DGKB: variants seen among roughly 807,000 people sequenced by gnomAD.
DGKB encodes 90 kDa diacylglycerol kinase.
A neutral mutation model predicts 114.3 loss-of-function variants in DGKB; 67 were observed. That is an observed-to-expected ratio of 0.59 (90% CI 0.48 to 0.72). The LOEUF (loss-of-function observed/expected upper bound fraction) is 0.72. Ranked by LOEUF, DGKB falls within the 30% of genes least tolerant of loss-of-function variation. The probability of loss-of-function intolerance (pLI) is 0.00; values close to 1 mark genes in which losing one functional copy is unlikely to be tolerated. For missense variants in DGKB, 907 were observed against 975.2 expected, an observed-to-expected ratio of 0.93 and a Z score of 0.93; for synonymous variants, 398 against 323.1, an observed-to-expected ratio of 1.23 and a Z score of -2.49.
chr7:14,585,721 T>G (rs1368802567), intron 17 of DGKB, among the ~76,000 whole-genome samples: 1 of 152,180 alleles, frequency 6.6e-6, no homozygotes. Flanking sequence ...AGTCTATCAG[T>G]GCCATGTTTT....
At chr7:14,657,581 AC>A (rs774375192) in intron 13 of DGKB, among the ~76,000 whole-genome samples, 31 of 151,988 alleles carry the variant, frequency 2.0e-4, no homozygotes, top group East Asian at 1.4e-3. Flanking sequence ...GACTTCAGTA[AC>A]TTTGCTTAAA....
intron 23 of DGKB, among the ~76,000 whole-genome samples, chr7:14,323,311 GC>G (rs1238768464): frequency 1.3e-5 from 2 of 152,092 alleles, no homozygotes; most frequent in Non-Finnish European, 2.9e-5. Context: ...TGTGGTGTTG[GC>G]CGTGTTCTAT....
intron 4 of DGKB, among the ~76,000 whole-genome samples, chr7:14,742,461 A>T (rs1055851946): frequency 1.3e-5 from 2 of 152,220 alleles, no homozygotes; most frequent in African/African-American, 4.8e-5. Context: ...AGAAATAAAA[A>T]GTCTTAAAGA....
intron 1 of DGKB, among the ~76,000 whole-genome samples, chr7:14,940,661 A>T (rs1319446638): frequency 6.6e-6 from 1 of 152,164 alleles, no homozygotes; most frequent in Admixed American, 6.6e-5. Context: ...TGGAAAGACT[A>T]TATACTCAGA....
intron 2 of DGKB, among the ~76,000 whole-genome samples, chr7:14,836,747 G>A (rs999011692): frequency 4.6e-5 from 7 of 152,320 alleles, no homozygotes; most frequent in African/African-American, 1.4e-4. Context: ...ACCGGAGCAC[G>A]GTCACAGCAT....
At chr7:14,459,122 C>T (rs1832719854) in intron 21 of DGKB, among the ~76,000 whole-genome samples, 2 of 152,158 alleles carry the variant, frequency 1.3e-5, no homozygotes, top group Admixed American at 6.5e-5. Context: ...CGCAGCTTGG[C>T]AAAGCCGCTG....
chr7:14,673,252 A>C (rs1157394955), intron 12 of DGKB, among the ~76,000 whole-genome samples: 1 of 152,058 alleles, frequency 6.6e-6, no homozygotes, highest in Non-Finnish European at 1.5e-5. Flanking sequence ...TACATTTTAT[A>C]ATTCTCAGAA....
rs186592658 is a variant in DGKB at position 14,881,673 on chromosome 7, G to T, written c.-188+20919C>A. On this transcript the variant is annotated intron_variant, in intron 1 of 25. Coordinates refer to ENST00000402815, the MANE Select transcript of DGKB (RefSeq NM_001350709.2). ...TGGTGCAGATTTCTGATTTTGTAGG[G>T]TTGTGTACCTTTCTTCAACTTCCTA... 2.3e-3 allele frequency among the ~76,000 whole-genome samples: 351 copies of T among 152,092 alleles called. 1 individual carries two copies. The highest frequency in any genetic ancestry group is 8.0e-3 in the African/African-American group (333 of 41,524).
At chr7:14,222,381 A>G (rs1790125566) in intron 23 of DGKB, among the ~76,000 whole-genome samples, 1 of 150,554 alleles carries the variant, frequency 6.6e-6, no homozygotes. Context: ...TTCCTTTTTG[A>G]TTTCTTCATT....
intron 1 of DGKB, among the ~76,000 whole-genome samples, chr7:14,916,694 G>A (rs1334571023): frequency 6.6e-6 from 1 of 151,990 alleles, no homozygotes; most frequent in South Asian, 2.1e-4. Flanking sequence ...TATTATAGTT[G>A]GAAAGTTCAA....
intron 1 of DGKB, among the ~76,000 whole-genome samples, chr7:14,880,178 T>C (rs1439959654): frequency 6.6e-6 from 1 of 151,826 alleles, no homozygotes; most frequent in Non-Finnish European, 1.5e-5. Flanking sequence ...TAAGAAAGAG[T>C]TGCATTCTTT....
At chr7:14,856,020 C>CACACACA (rs3036255) in intron 1 of DGKB, among the ~76,000 whole-genome samples, 1 of 148,822 alleles carries the variant, frequency 6.7e-6, no homozygotes, top group African/African-American at 2.5e-5. Flanking sequence ...CACACACACA[C>CACACACA]ATAATTAACA....
intron 23 of DGKB, among the ~76,000 whole-genome samples, chr7:14,270,520 G>A (rs1798128144): frequency 6.6e-6 from 1 of 152,206 alleles, no homozygotes. Context: ...TTTTCAGGAA[G>A]GGCTGTGGTC....
At chr7:14,691,657 A>G (rs1822889237) in intron 9 of DGKB, among the ~76,000 whole-genome samples, 1 of 152,180 alleles carries the variant, frequency 6.6e-6, no homozygotes, top group Admixed American at 6.5e-5. Flanking sequence ...ATTTTATTAA[A>G]AGACAGCTTA....
At chr7:14,352,794 G>A (rs764826892) in intron 21 of DGKB, among the ~76,000 whole-genome samples, 19 of 152,020 alleles carry the variant, frequency 1.2e-4, no homozygotes, top group East Asian at 3.9e-4. Context: ...GTGGTGGCGC[G>A]TGCCTATAAT....
At chr7:14,689,007 T>C (rs921055175) in intron 9 of DGKB, among the ~76,000 whole-genome samples, 5 of 152,044 alleles carry the variant, frequency 3.3e-5, no homozygotes, top group African/African-American at 1.2e-4. Flanking sequence ...TTCATTGATG[T>C]CCTAACCCAC....
At chr7:14,737,283 ATT>A (rs11348925) in intron 4 of DGKB, among the ~76,000 whole-genome samples, 3,949 of 82,546 alleles carry the variant, frequency 0.048, 119 homozygotes, top group African/African-American at 0.12. Context: ...TTGAAGGCCA[ATT>A]TTTTTTTTTT....
intron 5 of DGKB, among the ~76,000 whole-genome samples, chr7:14,729,047 C>G (rs1318163230): frequency 6.6e-6 from 1 of 151,514 alleles, no homozygotes; most frequent in African/African-American, 2.4e-5. Flanking sequence ...TTACTACCAT[C>G]TGATATGGTA....
chr7:14,514,620 G>C (rs1340919687), intron 20 of DGKB, among the ~76,000 whole-genome samples: 2 of 152,072 alleles, frequency 1.3e-5, no homozygotes, highest in African/African-American at 4.8e-5. Context: ...ATGCTCATCA[G>C]AATCACATAT....
Sources: gnomAD v4.1 joint callset for allele counts (sites outside exome capture counted in the v4.1 genomes callset) on GRCh38, gnomAD v4.1.1 for gene constraint, MANE v1.5 for transcripts, NCBI Gene and HGNC (gene_info 2026-07-23, HGNC 2026-07-21) for gene names.